SPAG16: variants seen among roughly 807,000 people sequenced by gnomAD.
The protein encoded by SPAG16 is sperm-associated antigen 16 protein.
A neutral mutation model predicts 80.4 loss-of-function variants in SPAG16; 86 were observed. That is an observed-to-expected ratio of 1.07 (90% CI 0.90 to 1.28). The LOEUF is 1.28. Among genes scored for constraint, SPAG16 ranks in the 50% most tolerant of loss-of-function variants. The pLI, the probability that SPAG16 is intolerant of heterozygous loss-of-function variation, is 0.00. For synonymous variants in SPAG16, 294 were observed against 265.9 expected (o/e 1.11, Z -1.03); for missense variants, 870 against 765.3 (o/e 1.14, Z -1.61).
chr2:213,758,022 A>G (rs757340081), intron 10 of SPAG16: 1 of 151,990 alleles, frequency 6.6e-6, no homozygotes, highest in Non-Finnish European at 1.5e-5. Context: ...TAGGGCATTC[A>G]AAGTAACTGC....
chr2:213,677,708 A>G (rs992552033), intron 10 of SPAG16, among the ~76,000 whole-genome samples: 26 of 152,186 alleles, frequency 1.7e-4, no homozygotes, highest in Non-Finnish European at 3.1e-4. Flanking sequence ...AGACAGATCA[A>G]CGAGACAAAA....
At chr2:214,391,436 A>C (rs963892946) in intron 15 of SPAG16, among the ~76,000 whole-genome samples, 2 of 152,228 alleles carry the variant, frequency 1.3e-5, no homozygotes, top group Non-Finnish European at 2.9e-5. Context: ...TAATTTATTG[A>C]ATAAAATATA....
At chr2:214,257,084 T>C (rs562300156) in intron 15 of SPAG16, among the ~76,000 whole-genome samples, 1 of 152,080 alleles carries the variant, frequency 6.6e-6, no homozygotes, top group South Asian at 2.1e-4. Context: ...CTCTAAGCAA[T>C]TTTTGTAGTT....
chr2:214,364,365 C>T (rs1699356760), intron 15 of SPAG16, among the ~76,000 whole-genome samples: 1 of 152,170 alleles, frequency 6.6e-6, no homozygotes, highest in South Asian at 2.1e-4. Flanking sequence ...TTAAAATGTT[C>T]CCTGACTCCA....
At position 214,186,679 on chromosome 2, in the gene SPAG16, C is replaced by A. The variant is rs1197122528; in HGVS notation, c.1720+37413C>A. 2.6e-5 allele frequency among the ~76,000 whole-genome samples: 4 copies of A among 152,012 alleles called. No individual in the cohort carries two copies. The East Asian group carries it at 7.7e-4, about 29-fold the overall frequency. On this transcript the variant is annotated intron_variant, in intron 15 of 15. Coordinates refer to ENST00000331683, the MANE Select transcript of SPAG16 (RefSeq NM_024532.5). ...AATACTAACCTGACTAAGTACACTA[C>A]AAATTGTCAAAATTCCTCTCCTATG... is the stretch of plus-strand genomic sequence containing the variant.
chr2:213,461,907 T>C (rs73986877), intron 9 of SPAG16, among the ~76,000 whole-genome samples: 11,339 of 152,210 alleles, frequency 0.074, 1,386 homozygotes, highest in African/African-American at 0.26. Flanking sequence ...TGTGTATGTG[T>C]GTGTGTATGT....
chr2:213,631,408 C>T (rs1383873849), intron 10 of SPAG16, among the ~76,000 whole-genome samples: 5 of 152,036 alleles, frequency 3.3e-5, no homozygotes, highest in African/African-American at 1.2e-4. Context: ...TGTATTAATT[C>T]GTTTAATTCT....
intron 13 of SPAG16, among the ~76,000 whole-genome samples, chr2:214,099,472 T>C (rs367683168): frequency 7.9e-5 from 12 of 152,128 alleles, no homozygotes; most frequent in African/African-American, 2.9e-4. Flanking sequence ...TCAATAATTT[T>C]CCAATAAGCT....
intron 9 of SPAG16, among the ~76,000 whole-genome samples, chr2:213,440,482 G>A (rs2070877642): frequency 6.6e-6 from 1 of 152,194 alleles, no homozygotes; most frequent in Non-Finnish European, 1.5e-5. Context: ...GTGAACCCAG[G>A]AGGCTGAACT....
chr2:213,980,708 G>GTATATATATATATATATATA (rs796912299), intron 12 of SPAG16, among the ~76,000 whole-genome samples: 3 of 102,752 alleles, frequency 2.9e-5, no homozygotes, highest in African/African-American at 9.8e-5. Context: ...GTGTGTGTGT[G>GTATATATATATATATATATA]TGTGTATATA....
At chr2:213,367,753 C>T (rs1474841385) in intron 8 of SPAG16, among the ~76,000 whole-genome samples, 80 of 147,498 alleles carry the variant, frequency 5.4e-4, no homozygotes, top group African/African-American at 1.6e-3. Context: ...TTCACTCTGA[C>T]GGTAGTTTCT....
chr2:214,168,360 G>GT (rs1444140288), intron 15 of SPAG16, among the ~76,000 whole-genome samples: 1 of 151,992 alleles, frequency 6.6e-6, no homozygotes, highest in Non-Finnish European at 1.5e-5. Flanking sequence ...AGTGCATGTT[G>GT]TTTTTTGTGA....
chr2:213,756,413 T>C (rs1224084097), intron 10 of SPAG16, among the ~76,000 whole-genome samples: 3 of 152,126 alleles, frequency 2.0e-5, no homozygotes, highest in African/African-American at 4.8e-5. Flanking sequence ...TGCTTGAACC[T>C]AGGAGGCAGA....
intron 11 of SPAG16, among the ~76,000 whole-genome samples, chr2:213,886,734 G>A (rs1257440509): frequency 6.6e-6 from 1 of 150,908 alleles, no homozygotes; most frequent in South Asian, 2.1e-4. Flanking sequence ...CTTATAAACC[G>A]TTTATGAAAA....
At chr2:213,963,394 C>T (rs2044552096) in intron 12 of SPAG16, among the ~76,000 whole-genome samples, 1 of 152,034 alleles carries the variant, frequency 6.6e-6, no homozygotes, top group African/African-American at 2.4e-5. Flanking sequence ...GGTCAGAGAA[C>T]ACGATTTCTA....
Position 214,103,741 on chromosome 2 carries a change from C to A in SPAG16, c.1528-4455C>A, listed in dbSNP as rs554373453. Among the ~76,000 whole-genome samples, 38 of 152,172 alleles carry A rather than the reference C, an allele frequency of 2.5e-4. No homozygotes were observed. The South Asian group carries it at 6.4e-3, about 26-fold the overall frequency. ...GGAGTTGTCTGGATCAGATATCAAA[C>A]CATTTACTCAGAGAGAAGACTGTTT... On this transcript the variant is annotated intron_variant, in intron 13 of 15. Transcript: ENST00000331683.
At chr2:213,776,826 A>AT (rs1394896459) in intron 10 of SPAG16, among the ~76,000 whole-genome samples, 12 of 107,622 alleles carry the variant, frequency 1.1e-4, no homozygotes, top group African/African-American at 3.9e-4. Flanking sequence ...GTTCTATGCC[A>AT]CCCCCCCCCC....
intron 13 of SPAG16, among the ~76,000 whole-genome samples, chr2:214,041,373 C>G (rs980551467): frequency 6.7e-6 from 1 of 148,998 alleles, no homozygotes; most frequent in Admixed American, 6.7e-5. Context: ...TCTCTGATTT[C>G]TTTTTGTAGT....
At chr2:214,062,670 T>TG (rs1235919249) in intron 13 of SPAG16, among the ~76,000 whole-genome samples, 2 of 147,704 alleles carry the variant, frequency 1.4e-5, no homozygotes, top group Admixed American at 1.4e-4. Flanking sequence ...GCCTCCTCTT[T>TG]TTTTTTTTTT....
Sources: gnomAD v4.1 joint callset for allele counts (sites outside exome capture counted in the v4.1 genomes callset) on GRCh38, gnomAD v4.1.1 for gene constraint, MANE v1.5 for transcripts, NCBI Gene and HGNC (gene_info 2026-07-23, HGNC 2026-07-21) for gene names.